CACNB2: variants seen among roughly 807,000 people sequenced by gnomAD.
The protein encoded by CACNB2 is voltage-dependent L-type calcium channel subunit beta-2.
A neutral mutation model predicts 73.3 loss-of-function variants in CACNB2; 42 were observed. That is an observed-to-expected ratio of 0.57 (90% CI 0.45 to 0.74). The LOEUF (loss-of-function observed/expected upper bound fraction) is 0.74. CACNB2 is among the 30% of genes least tolerant of loss of function. The pLI is 0.00. For synonymous variants in CACNB2, 348 were observed against 310.3 expected (o/e 1.12, Z -1.28); for missense variants, 940 against 853.0 (o/e 1.10, Z -1.27).
chr10:18,541,691 T>A lies in CACNB2; in HGVS notation c.*1967T>A, dbSNP rs2054076895. 1 of 151,954 alleles carries A rather than the reference T, an allele frequency of 6.6e-6. No homozygotes were observed. The highest frequency in any genetic ancestry group is 2.1e-4 in the South Asian group (1 of 4,812). The allele number at this position is 151,954 out of a possible 1,614,324, so 9.4% of individuals were successfully genotyped here. On this transcript the variant is annotated 3_prime_UTR_variant, in exon 14 of 14. Transcript: ENST00000324631. ...GCCTGGCCAACGTGGCGAAACCCCGTCTCTACTAAAAAGATAAAAAATTAG... is the reference window on the plus strand; with the variant it reads ...GCCTGGCCAACGTGGCGAAACCCCGACTCTACTAAAAAGATAAAAAATTAG...
At chr10:18,217,693 G>A (rs1174313868) in intron 2 of CACNB2, among the ~76,000 whole-genome samples, 2 of 151,470 alleles carry the variant, frequency 1.3e-5, no homozygotes, top group East Asian at 3.9e-4. Flanking sequence ...TGCTTATCTA[G>A]GAGAACATTC....
chr10:18,379,692 T>G (rs2042936031), intron 2 of CACNB2, among the ~76,000 whole-genome samples: 1 of 152,140 alleles, frequency 6.6e-6, no homozygotes, highest in African/African-American at 2.4e-5. Flanking sequence ...CCATTCTACA[T>G]TTCTGGACAA....
At position 18,171,153 on chromosome 10, in the gene CACNB2, GT is replaced by G. The variant is rs151050567; in HGVS notation, c.213+20179del. Reference sequence around the variant, plus strand: ...CTGGAGATTTTGCAAGTGGAATTGGGTAGATCTGTTAAGGACATTCAGTCCT... The same window carrying G: ...CTGGAGATTTTGCAAGTGGAATTGGGAGATCTGTTAAGGACATTCAGTCCT... On this transcript the variant is annotated intron_variant, in intron 2 of 13. Coordinates refer to ENST00000324631, the MANE Select transcript of CACNB2 (RefSeq NM_201596.3). 2.8e-3 allele frequency among the ~76,000 whole-genome samples: 432 copies of G among 152,264 alleles called. 3 individuals are homozygous for G. The highest frequency in any genetic ancestry group is 9.9e-3 in the African/African-American group (413 of 41,536).
intron 2 of CACNB2, among the ~76,000 whole-genome samples, chr10:18,335,784 A>AACACACACACACAC (rs10545839): frequency 1.0e-4 from 15 of 143,974 alleles, no homozygotes; most frequent in South Asian, 6.9e-4. Context: ...ACAGCAAGAA[A>AACACACACACACAC]ACACACACAC....
At chr10:18,419,402 C>A (rs1253918492) in intron 3 of CACNB2, among the ~76,000 whole-genome samples, 3 of 152,118 alleles carry the variant, frequency 2.0e-5, no homozygotes, top group Admixed American at 2.0e-4. Flanking sequence ...ATGTACACAA[C>A]CATTCTCTTC....
intron 3 of CACNB2, among the ~76,000 whole-genome samples, chr10:18,446,121 G>A (rs1209445798): frequency 1.3e-5 from 2 of 152,170 alleles, no homozygotes; most frequent in Admixed American, 6.5e-5. Context: ...GACTTTCCAT[G>A]ATGAAATAAA....
chr10:18,452,954 C>G (rs947910473), intron 3 of CACNB2, among the ~76,000 whole-genome samples: 7 of 152,124 alleles, frequency 4.6e-5, no homozygotes, highest in African/African-American at 1.7e-4. Flanking sequence ...AGGGATAAAA[C>G]CAAGATAAAA....
intron 2 of CACNB2, among the ~76,000 whole-genome samples, chr10:18,341,494 C>T (rs188673689): frequency 2.0e-5 from 3 of 152,186 alleles, no homozygotes; most frequent in South Asian, 2.1e-4. Flanking sequence ...CTTTGCCACA[C>T]GAGGACTGAC....
intron 2 of CACNB2, among the ~76,000 whole-genome samples, chr10:18,279,497 T>G (rs2038446795): frequency 6.6e-6 from 1 of 152,244 alleles, no homozygotes; most frequent in African/African-American, 2.4e-5. Flanking sequence ...GAAGTTCCCT[T>G]GGCAGACATT....
At chr10:18,354,550 G>T (rs2041836620) in intron 2 of CACNB2, among the ~76,000 whole-genome samples, 1 of 152,236 alleles carries the variant, frequency 6.6e-6, no homozygotes, top group African/African-American at 2.4e-5. Flanking sequence ...GGTCACAGAA[G>T]ATGAAGGCTG....
rs941104046 is a variant in CACNB2, at chr10:18,543,173, T to G, written c.*3449T>G. 4 of 152,204 alleles carry G rather than the reference T, an allele frequency of 2.6e-5. No individual in the cohort carries two copies. The highest frequency in any genetic ancestry group is 5.9e-5 in the Non-Finnish European group (4 of 68,038). The allele number at this position is 152,204 out of a possible 1,614,324, so 9.4% of individuals were successfully genotyped here. On this transcript the variant is annotated 3_prime_UTR_variant, in exon 14 of 14. Transcript: ENST00000324631. ...TTAGTAGTAGTATTAATTGCCATGT[T>G]AGAAATGATTCATGTAGTTGAGACT...
chr10:18,273,168 G>A (rs932054873), intron 2 of CACNB2, among the ~76,000 whole-genome samples: 2 of 152,072 alleles, frequency 1.3e-5, no homozygotes, highest in African/African-American at 4.8e-5. Context: ...CTTTTGAGGT[G>A]AGTCAGCTCA....
intron 3 of CACNB2, among the ~76,000 whole-genome samples, chr10:18,443,714 A>AG (rs1483604968): frequency 8.9e-6 from 1 of 112,444 alleles, no homozygotes; most frequent in Non-Finnish European, 1.9e-5. Flanking sequence ...ATTCCTACAT[A>AG]CCTTTTTTTT....
At chr10:18,431,597 A>T (rs929563209) in intron 3 of CACNB2, among the ~76,000 whole-genome samples, 3 of 152,154 alleles carry the variant, frequency 2.0e-5, no homozygotes, top group African/African-American at 4.8e-5. Context: ...TTTCCCTTTA[A>T]GAGCTTTACA....
At chr10:18,414,873 G>C (rs1301840409) in intron 3 of CACNB2, among the ~76,000 whole-genome samples, 1 of 151,662 alleles carries the variant, frequency 6.6e-6, no homozygotes, top group Non-Finnish European at 1.5e-5. Context: ...TTCTCCACCA[G>C]ATGTTAACAG....
intron 2 of CACNB2, among the ~76,000 whole-genome samples, chr10:18,371,121 A>C (rs2042563195): frequency 6.6e-6 from 1 of 152,210 alleles, no homozygotes; most frequent in Admixed American, 6.5e-5. Flanking sequence ...CTATTATTTA[A>C]AAATAGTTAT....
chr10:18,286,842 G>C (rs1314144693), intron 2 of CACNB2, among the ~76,000 whole-genome samples: 1 of 152,126 alleles, frequency 6.6e-6, no homozygotes, highest in Non-Finnish European at 1.5e-5. Context: ...GCAATGCTAA[G>C]TTTCAGTCAG....
intron 2 of CACNB2, among the ~76,000 whole-genome samples, chr10:18,202,720 T>C (rs1333864137): frequency 6.6e-6 from 1 of 152,222 alleles, no homozygotes; most frequent in Non-Finnish European, 1.5e-5. Context: ...TCAGGTTCTA[T>C]TTTGGAATGT....
At chr10:18,154,465 T>G (rs901198021) in intron 2 of CACNB2, among the ~76,000 whole-genome samples, 1 of 152,050 alleles carries the variant, frequency 6.6e-6, no homozygotes, top group Non-Finnish European at 1.5e-5. Context: ...ATCTTTTTTT[T>G]TTGTTTTTGT....
Sources: gnomAD v4.1 joint callset for allele counts (sites outside exome capture counted in the v4.1 genomes callset) on GRCh38, gnomAD v4.1.1 for gene constraint, MANE v1.5 for transcripts, NCBI Gene and HGNC (gene_info 2026-07-23, HGNC 2026-07-21) for gene names.